Variants in COL23A1 observed in about 807,000 individuals in gnomAD.
The protein encoded by COL23A1 is collagen type XXIII alpha 1 chain.
COL23A1 carries 97 observed loss-of-function variants against 99.3 expected under a neutral mutation model. That is an observed-to-expected ratio of 0.98 (90% CI 0.83 to 1.16). The LOEUF is 1.16. Ranked by LOEUF, COL23A1 falls within the 50% of genes most tolerant of loss-of-function variation. COL23A1 has a pLI of 0.00. For missense variants in COL23A1, 762 were observed against 757.4 expected, an observed-to-expected ratio of 1.01 and a Z score of -0.07; for synonymous variants, 320 against 308.2, an observed-to-expected ratio of 1.04 and a Z score of -0.40.
At chr5:178,547,549 AC>A (rs1168479372) in intron 2 of COL23A1, among the ~76,000 whole-genome samples, 2 of 59,938 alleles carry the variant, frequency 3.3e-5, no homozygotes, top group African/African-American at 1.5e-4. Context: ...ACACCCACAC[AC>A]CCCCATACAC....
Position 178,423,560 on chromosome 5 carries a change from C to T in COL23A1, c.362-116641G>A, listed in dbSNP as rs568658324. ...CTCGATAGGTTAGGGGCAGTAAATG[C>T]ATCTTCCACCTCGGATGGGTGGATG... On this transcript the variant is annotated intron_variant, in intron 2 of 28. Coordinates refer to ENST00000390654, the MANE Select transcript of COL23A1 (RefSeq NM_173465.4). 2.6e-5 allele frequency among the ~76,000 whole-genome samples: 4 copies of T among 152,188 alleles called. No individual in the cohort carries two copies. In the East Asian group the frequency reaches 5.8e-4, roughly 22 times the overall value.
chr5:178,556,256 A>T (rs1430499627), intron 2 of COL23A1, among the ~76,000 whole-genome samples: 1 of 152,210 alleles, frequency 6.6e-6, no homozygotes, highest in East Asian at 1.9e-4. Flanking sequence ...AAGGCAGCCC[A>T]TGAAAAACAA....
chr5:178,403,613 A>T (rs1764591237), intron 2 of COL23A1, among the ~76,000 whole-genome samples: 1 of 152,240 alleles, frequency 6.6e-6, no homozygotes, highest in African/African-American at 2.4e-5. Flanking sequence ...CAAAAGGCCT[A>T]AGAATGAAAT....
Position 178,534,733 on chromosome 5 carries a change from C to T in COL23A1, c.361+25949G>A, listed in dbSNP as rs371778868. ...GGCGGAGGTTGCAGTGAGCCAAGAT[C>T]GTGCCACTGCACTCCAGCCTGGGCG... On this transcript the variant is annotated intron_variant, in intron 2 of 28. Transcript: ENST00000390654. Among the ~76,000 whole-genome samples the T allele has an allele frequency of 3.8e-3, 584 of 151,830 alleles. 4 individuals are homozygous for T. Among genetic ancestry groups the T allele is most frequent in the African/African-American group, 0.014 (563 of 41,446 alleles).
chr5:178,365,136 C>CGTGTGTGTGTGT lies in COL23A1; in HGVS notation c.362-58229_362-58218dup, dbSNP rs55995523. On this transcript the variant is annotated intron_variant, in intron 2 of 28. Coordinates refer to ENST00000390654, the MANE Select transcript of COL23A1 (RefSeq NM_173465.4). This position sits in a 1 kb window ranked among gnomAD's most constrained non-coding sequence, Gnocchi z 5.2. ...GGGCTTTATGATGTTGCTGTGTGTG[C>CGTGTGTGTGTGT]GTGTGTGTGTGTGTGTGTGTGTGTG... Among the ~76,000 whole-genome samples, 1,482 of 147,886 alleles carry CGTGTGTGTGTGT rather than the reference C, an allele frequency of 0.01. 41 individuals are homozygous for CGTGTGTGTGTGT. Among genetic ancestry groups the CGTGTGTGTGTGT allele is most frequent in the East Asian group, 0.072 (350 of 4,852 alleles).
chr5:178,248,364 T>C, intron 19 of COL23A1, 110 bp from the exon 20 acceptor site: 1 of 776,914 alleles, frequency 1.3e-6, no homozygotes, highest in South Asian at 2.0e-5. Context: ...AGAGCAGTCA[T>C]CAGTTAGCTG....
At chr5:178,420,835 CG>C (rs1765597687) in intron 2 of COL23A1, among the ~76,000 whole-genome samples, 1 of 150,832 alleles carries the variant, frequency 6.6e-6, no homozygotes, top group Non-Finnish European at 1.5e-5. Flanking sequence ...GCCCATCCTG[CG>C]GGGAGGGCTG....
intron 3 of COL23A1, among the ~76,000 whole-genome samples, chr5:178,305,692 T>G: frequency 6.6e-6 from 1 of 150,908 alleles, no homozygotes; most frequent in African/African-American, 2.4e-5. Flanking sequence ...GACATAAGAG[T>G]GAAGGCTCAG....
intron 13 of COL23A1, 42 bp downstream of exon 13, chr5:178,257,481 A>G: frequency 6.4e-7 from 1 of 1,554,930 alleles, no homozygotes; most frequent in Non-Finnish European, 8.7e-7. Flanking sequence ...GAACCATGGG[A>G]GGTGGGGGCA....
chr5:178,431,883 T>C (rs1411899370), intron 2 of COL23A1, among the ~76,000 whole-genome samples: 1 of 152,216 alleles, frequency 6.6e-6, no homozygotes, highest in Non-Finnish European at 1.5e-5. Context: ...AATATCTCAC[T>C]TGGAGAAGAG....
At chr5:178,431,368 GAC>G (rs1481189649) in intron 2 of COL23A1, among the ~76,000 whole-genome samples, 21 of 152,322 alleles carry the variant, frequency 1.4e-4, no homozygotes, top group African/African-American at 4.6e-4. Flanking sequence ...AGTTCCCAAA[GAC>G]ACTACGGTTG....
chr5:178,477,092 T>G (rs139323421), intron 2 of COL23A1, among the ~76,000 whole-genome samples: 65 of 152,322 alleles, frequency 4.3e-4, no homozygotes, highest in African/African-American at 1.5e-3. Flanking sequence ...AGGGGCTCTG[T>G]AAGCAATGAC....
At chr5:178,533,255 T>G (rs1006440199) in intron 2 of COL23A1, among the ~76,000 whole-genome samples, 1 of 152,202 alleles carries the variant, frequency 6.6e-6, no homozygotes, top group Non-Finnish European at 1.5e-5. Flanking sequence ...TTCACTGGCA[T>G]TAAGTACATT....
intron 5 of COL23A1, among the ~76,000 whole-genome samples, chr5:178,282,205 C>T (rs1189268664): frequency 6.6e-6 from 1 of 152,136 alleles, no homozygotes; most frequent in Non-Finnish European, 1.5e-5. Context: ...TTCCTAATTT[C>T]TAATAACGGC....
At chr5:178,254,920 G>A (rs748143248) in intron 16 of COL23A1, 29 bp downstream of exon 16, 3 of 1,582,310 alleles carry the variant, frequency 1.9e-6, no homozygotes, top group East Asian at 4.5e-5. Context: ...CGTATCTAAG[G>A]CACATCCTGG....
intron 2 of COL23A1, among the ~76,000 whole-genome samples, chr5:178,364,866 C>G (rs1396119259): frequency 6.6e-6 from 1 of 152,226 alleles, no homozygotes; most frequent in Non-Finnish European, 1.5e-5. Context: ...TCAGGGCACA[C>G]TGCAGGGAGC....
In COL23A1 at chr5:178,368,562, ACTG is replaced by A. The variant is rs548065693; in HGVS notation, c.362-61646_362-61644del. ...CTATAGTATCACACGGAGTAGTTCC[ACTG>A]CCCTAAAAGTAGTCTAAGCTCCATC... is the stretch of plus-strand genomic sequence containing the variant. On this transcript the variant is annotated intron_variant, in intron 2 of 28. Coordinates refer to ENST00000390654, the MANE Select transcript of COL23A1 (RefSeq NM_173465.4). Among the ~76,000 whole-genome samples the A allele has an allele frequency of 2.6e-4, 40 of 152,294 alleles. No individual in the cohort carries two copies. The South Asian group carries it at 6.2e-3, about 24-fold the overall frequency.
At chr5:178,249,716 A>ACTCACTCTCTCT (rs1554125190) in intron 18 of COL23A1, among the ~76,000 whole-genome samples, 17 of 92,800 alleles carry the variant, frequency 1.8e-4, no homozygotes, top group South Asian at 1.3e-3. Context: ...ACACACACAC[A>ACTCACTCTCTCT]CTCTCTCTCT....
At chr5:178,412,737 A>G (rs1561949098) in intron 2 of COL23A1, among the ~76,000 whole-genome samples, 1 of 152,230 alleles carries the variant, frequency 6.6e-6, no homozygotes, top group African/African-American at 2.4e-5. Flanking sequence ...TGTGACTATA[A>G]TTTTAAATTT....
Sources: gnomAD v4.1 joint callset for allele counts (sites outside exome capture counted in the v4.1 genomes callset) on GRCh38, gnomAD v4.1.1 for gene constraint, Gnocchi (gnomAD v3.1) non-coding constraint, MANE v1.5 for transcripts, NCBI Gene and HGNC (gene_info 2026-07-23, HGNC 2026-07-21) for gene names.